Variants in ASAP1 observed in about 807,000 individuals in gnomAD.
ASAP1 encodes the protein arf-GAP with SH3 domain, ANK repeat and PH domain-containing protein 1.
In ASAP1, 43 loss-of-function variants were observed where a neutral mutation model predicts 145.2. That is an observed-to-expected ratio of 0.30 (90% CI 0.23 to 0.38). The LOEUF (loss-of-function observed/expected upper bound fraction) is 0.38, where lower values mean the gene tolerates loss of function less well. Among genes scored for constraint, ASAP1 ranks in the 10% least tolerant of loss-of-function variants. The pLI is 1.00. For missense variants in ASAP1, 1,018 were observed against 1,355.3 expected, an observed-to-expected ratio of 0.75 and a Z score of 3.91; for synonymous variants, 546 against 515.5, an observed-to-expected ratio of 1.06 and a Z score of -0.80.
chr8:130,141,866 C>T (rs2097612485), intron 13 of ASAP1, among the ~76,000 whole-genome samples: 1 of 151,794 alleles, frequency 6.6e-6, no homozygotes, highest in Non-Finnish European at 1.5e-5. Context: ...TACAGGCATG[C>T]CTCACCATGC....
intron 2 of ASAP1, 111 bp downstream of exon 2, chr8:130,401,774 T>TA (rs1377287483): frequency 2.0e-6 from 2 of 976,478 alleles, no homozygotes; most frequent in Non-Finnish European, 3.1e-6. Flanking sequence ...CAGTCTCTGT[T>TA]AGATTCCAGT....
At chr8:130,178,944 T>A (rs1258941423) in intron 9 of ASAP1, among the ~76,000 whole-genome samples, 3 of 151,024 alleles carry the variant, frequency 2.0e-5, no homozygotes, top group East Asian at 3.9e-4. Flanking sequence ...TAGGGGGTCA[T>A]CAGAAAGGAC....
At chr8:130,285,457 G>C (rs1325486007) in intron 3 of ASAP1, among the ~76,000 whole-genome samples, 2 of 152,086 alleles carry the variant, frequency 1.3e-5, no homozygotes, top group East Asian at 3.9e-4. Flanking sequence ...AAATTTTATG[G>C]TCTAAATAAA....
At chr8:130,164,885 A>G (rs1276638987) in intron 11 of ASAP1, among the ~76,000 whole-genome samples, 1 of 152,186 alleles carries the variant, frequency 6.6e-6, no homozygotes, top group African/African-American at 2.4e-5. Flanking sequence ...ATTACTTGAC[A>G]TTCTTTTCAA....
rs147677845 is a variant in ASAP1, at chr8:130,273,011, A to T, written c.187-36017T>A. ...GAAGAGAGGACTAGAAATCTTCCCA[A>T]CACACAGAAATGACAAATACTCGAG... On this transcript the variant is annotated intron_variant, in intron 3 of 29. Coordinates refer to ENST00000518721, the MANE Select transcript of ASAP1 (RefSeq NM_018482.4). 7.9e-3 allele frequency among the ~76,000 whole-genome samples: 1,204 copies of T among 152,342 alleles called. 16 individuals carry two copies. Among genetic ancestry groups the T allele is most frequent in the African/African-American group, 0.028 (1,157 of 41,568 alleles).
intron 4 of ASAP1, among the ~76,000 whole-genome samples, chr8:130,218,067 G>GA (rs1368213962): frequency 6.6e-6 from 1 of 152,050 alleles, no homozygotes; most frequent in African/African-American, 2.4e-5. Flanking sequence ...GAGCGGCTCA[G>GA]AAAAACAGAA....
intron 3 of ASAP1, among the ~76,000 whole-genome samples, chr8:130,316,841 G>T (rs1293234661): frequency 4.6e-5 from 7 of 152,224 alleles, no homozygotes; most frequent in African/African-American, 1.7e-4. Context: ...TTTTCCCCCT[G>T]TAATATGCAG....
At chr8:130,433,483 T>C (rs1565312430) in intron 1 of ASAP1, among the ~76,000 whole-genome samples, 1 of 152,242 alleles carries the variant, frequency 6.6e-6, no homozygotes, top group Non-Finnish European at 1.5e-5. Context: ...GCTATGACTG[T>C]TCCTTGGTAA....
intron 3 of ASAP1, among the ~76,000 whole-genome samples, chr8:130,267,380 C>T (rs193017297): frequency 5.2e-4 from 79 of 152,292 alleles, no homozygotes; most frequent in Non-Finnish European, 6.5e-4. Flanking sequence ...ACAGCTAAGA[C>T]TTACTGAGTA....
chr8:130,301,265 GCTTT>G (rs1022899130), intron 3 of ASAP1, among the ~76,000 whole-genome samples: 5 of 152,092 alleles, frequency 3.3e-5, no homozygotes, highest in Admixed American at 6.6e-5. Flanking sequence ...AAAACCTCCT[GCTTT>G]CTTTATGTAC....
chr8:130,165,007 T>A (rs1053048035), intron 11 of ASAP1, among the ~76,000 whole-genome samples: 1 of 152,178 alleles, frequency 6.6e-6, no homozygotes, highest in Admixed American at 6.5e-5. Flanking sequence ...ATAAACAGCA[T>A]GAGAAAGGAA....
intron 1 of ASAP1, among the ~76,000 whole-genome samples, chr8:130,413,246 T>C (rs1829338793): frequency 6.6e-6 from 1 of 152,170 alleles, no homozygotes; most frequent in Non-Finnish European, 1.5e-5. Flanking sequence ...GTATTTCCCT[T>C]CTAGTTTTAG....
At chr8:130,168,441 T>TC (rs923738799) in intron 10 of ASAP1, among the ~76,000 whole-genome samples, 17 of 152,168 alleles carry the variant, frequency 1.1e-4, no homozygotes, top group African/African-American at 4.1e-4. Flanking sequence ...GCTCAGGAGT[T>TC]CAAGACTAGT....
chr8:130,408,255 T>C (rs1829119538), intron 1 of ASAP1, among the ~76,000 whole-genome samples: 1 of 152,226 alleles, frequency 6.6e-6, no homozygotes, highest in Non-Finnish European at 1.5e-5. Flanking sequence ...TCTGGTTGTG[T>C]CTGTGAGGGT....
chr8:130,061,142 C>T, intron 27 of ASAP1, 73 bp from the exon 28 acceptor site: 1 of 1,504,118 alleles, frequency 6.6e-7, no homozygotes, highest in Non-Finnish European at 8.9e-7. Flanking sequence ...CTAAAAGAGG[C>T]ACCATCATCA....
chr8:130,160,896 A>G, intron 11 of ASAP1: 2 of 841,028 alleles, frequency 2.4e-6, no homozygotes, highest in Middle Eastern at 3.8e-4. Context: ...CATTTTATAT[A>G]ATGTACACAG....
intron 2 of ASAP1, among the ~76,000 whole-genome samples, chr8:130,371,549 C>T (rs560113990): frequency 9.6e-4 from 147 of 152,332 alleles, no homozygotes; most frequent in African/African-American, 3.4e-3. Flanking sequence ...GAGATGTAAG[C>T]AGAAATGCTA....
chr8:130,254,312 GT>G (rs1350443589), intron 3 of ASAP1, among the ~76,000 whole-genome samples: 1 of 152,114 alleles, frequency 6.6e-6, no homozygotes, highest in East Asian at 1.9e-4. Flanking sequence ...AAAGTGCATT[GT>G]TAAAATTCAC....
chr8:130,187,368 G>A, intron 6 of ASAP1, 83 bp from the exon 7 acceptor site: 1 of 1,189,914 alleles, frequency 8.4e-7, no homozygotes, highest in South Asian at 1.3e-5. Context: ...ATCTTAGCAA[G>A]AATTGTTTCC....
Sources: allele counts gnomAD v4.1 joint callset (sites outside exome capture counted in the v4.1 genomes callset), GRCh38; gene constraint gnomAD v4.1.1; transcripts MANE v1.5; gene names NCBI Gene and HGNC (gene_info 2026-07-23, HGNC 2026-07-21).